The following TULP1 variants were observed in gnomAD, a reference collection of about 807,000 sequenced individuals.
TULP1 encodes the protein tubby-related protein 1.
In TULP1, 50 loss-of-function variants were observed where a neutral mutation model predicts 67.1. That is an observed-to-expected ratio of 0.75 (90% CI 0.59 to 0.94). The LOEUF is 0.94. TULP1 is among the 40% of genes least tolerant of loss of function. The pLI is 0.00. For missense variants in TULP1, 746 were observed against 734.1 expected (o/e 1.02, Z -0.19); for synonymous variants, 297 against 294.0 (o/e 1.01, Z -0.11).
Position 35,498,482 on chromosome 6 carries a change from G to A in TULP1, c.1496-22C>T, listed in dbSNP as rs199634997. 1.8e-4 allele frequency: 284 copies of A among 1,613,134 alleles called. 2 individuals carry two copies. The highest frequency in any genetic ancestry group is 3.0e-5 in the Non-Finnish European group (35 of 1,179,962). On this transcript the variant is annotated intron_variant, in intron 14 of 14. Transcript: ENST00000229771. The surrounding 1 kb of genome is among the most constrained non-coding windows in gnomAD (Gnocchi z 6.7). ...TCGGCTATGGACACAAGACGGGGTG[G>A]GGGCGGCCCGAGACCTCCTTGGACC...
At chr6:35,510,740 C>G in intron 5 of TULP1, 121 bp downstream of exon 5, 1 of 1,595,370 alleles carries the variant, frequency 6.3e-7, no homozygotes, top group Non-Finnish European at 8.5e-7. Flanking sequence ...AAAAACCCTC[C>G]GGTCACAGCA....
At chr6:35,512,736 C>CAA in intron 1 of TULP1, 46 bp from the exon 2 acceptor site, 1 of 1,601,376 alleles carries the variant, frequency 6.2e-7, no homozygotes. Context: ...CCCTTCCCTC[C>CAA]CCATCCCACC....
At position 35,512,638 on chromosome 6, in the gene TULP1, C is replaced by T. The variant is rs281865166; in HGVS notation, c.99+1G>A. The stretch of plus-strand genomic sequence containing the variant: ...CTTCCTTTCCAAGTGGGGTGGCATA[C>T]CTGTTTGGGGCGCCGCGGGGCCTCC... On this transcript the variant is annotated splice_donor_variant, in intron 2 of 14. Coordinates refer to ENST00000229771, the MANE Select transcript of TULP1 (RefSeq NM_003322.6). LOFTEE classifies it high-confidence loss of function. 6.2e-7 allele frequency: 1 copy of T among 1,614,026 alleles called. No homozygotes were observed. Among genetic ancestry groups the T allele is most frequent in the Non-Finnish European group, 8.5e-7 (1 of 1,180,000 alleles).
At chr6:35,509,458 C>A (rs575923024) in intron 7 of TULP1, 146 bp from the exon 8 acceptor site, 7 of 1,081,706 alleles carry the variant, frequency 6.5e-6, no homozygotes, top group Middle Eastern at 2.0e-4. Flanking sequence ...GGCTAAGACA[C>A]CTGCCTGAGA....
intron 2 of TULP1, 67 bp downstream of exon 2, chr6:35,512,572 C>T (rs1017692786): frequency 6.2e-7 from 1 of 1,608,844 alleles, no homozygotes; most frequent in East Asian, 2.2e-5. Flanking sequence ...CCTAGACCCC[C>T]TACCCTGCGT....
chr6:35,499,970 C>T lies in TULP1; in HGVS notation c.1495+11G>A. 5.0e-6 allele frequency: 8 copies of T among 1,613,890 alleles called. No individual in the cohort carries two copies. The highest frequency in any genetic ancestry group is 4.4e-5 in the South Asian group (4 of 91,070). On this transcript the variant is annotated intron_variant, in intron 14 of 14. Coordinates refer to ENST00000229771, the MANE Select transcript of TULP1 (RefSeq NM_003322.6). Reference sequence around the variant, plus strand: ...TGGAGAAGAGCCAGACCTGGGCCCTCAGGTACTCACGGTCATCAGCGTGGA... The same window carrying T: ...TGGAGAAGAGCCAGACCTGGGCCCTTAGGTACTCACGGTCATCAGCGTGGA...
chr6:35,503,435 TG>T lies in TULP1; in HGVS notation c.1323+123del. 1.0e-6 allele frequency: 1 copy of T among 991,812 alleles called. No individual in the cohort carries two copies. The highest frequency in any genetic ancestry group is 1.5e-6 in the Non-Finnish European group (1 of 655,230). The allele number at this position is 991,812 out of a possible 1,614,324, so 61.4% of individuals were successfully genotyped here. On this transcript the variant is annotated intron_variant, in intron 13 of 14. Coordinates refer to ENST00000229771, the MANE Select transcript of TULP1 (RefSeq NM_003322.6). This position sits in a 1 kb window ranked among gnomAD's most constrained non-coding sequence, Gnocchi z 4.0. ...AAAAAGCCCAAGTCCATTCCCTAGG[TG>T]GCCAGAATGAATTTGTGTTGGAGGG...
At chr6:35,510,226 G>A (rs1026965478) in intron 5 of TULP1, among the ~76,000 whole-genome samples, 11 of 152,060 alleles carry the variant, frequency 7.2e-5, no homozygotes, top group Non-Finnish European at 1.6e-4. Flanking sequence ...GCTAATTTTT[G>A]TATTGACTTC....
chr6:35,511,845 C>T (rs993243115), intron 3 of TULP1, 39 bp from the exon 4 acceptor site: 2 of 1,492,796 alleles, frequency 1.3e-6, no homozygotes, highest in African/African-American at 1.4e-5. Flanking sequence ...GTCCCATCCG[C>T]GGGTCCGCGA....
At chr6:35,505,442 A>G in intron 11 of TULP1, 2 of 568,792 alleles carry the variant, frequency 3.5e-6, no homozygotes, top group South Asian at 3.3e-5. Context: ...AGGCAGGCAC[A>G]GTGCCTGCCC....
In TULP1 at chr6:35,509,856, C is replaced by T. The variant is rs779850135; in HGVS notation, c.572G>A (p.Gly191Glu). The T allele has an allele frequency of 1.9e-6, 3 of 1,614,010 alleles. No individual in the cohort carries two copies. Among genetic ancestry groups the T allele is most frequent in the Non-Finnish European group, 2.5e-6 (3 of 1,180,020 alleles). Reference sequence around the variant, plus strand: ...CTTCTTGGTCTTTCTCATCTTGGTCCCCTCCCCTGCTGGAGCTTCCTTATT... The same window carrying T: ...CTTCTTGGTCTTTCTCATCTTGGTCTCCTCCCCTGCTGGAGCTTCCTTATT... ...VRNKEAPAGE[G>E]TKMRKTKKKG... The change falls in exon 6 of 15, where the codon GGG becomes GAG. Residue 191 changes from glycine (G) to glutamate (E), a missense_variant. This residue lies in a region of TULP1 where 359 missense variants were observed against 341.9 expected (regional missense o/e 1.05). Transcript: ENST00000229771.
In TULP1 at chr6:35,498,254, G is replaced by A; in HGVS notation, c.*73C>T. Reference sequence around the variant, plus strand: ...GTTTTCCGCGGGAGCTTTGCTGGAGGGACCCTGCCAGCCTCCACTGAATCC... The same window carrying A: ...GTTTTCCGCGGGAGCTTTGCTGGAGAGACCCTGCCAGCCTCCACTGAATCC... On this transcript the variant is annotated 3_prime_UTR_variant, in exon 15 of 15. Coordinates refer to ENST00000229771, the MANE Select transcript of TULP1 (RefSeq NM_003322.6). This position sits in a 1 kb window ranked among gnomAD's most constrained non-coding sequence, Gnocchi z 6.7. 6.3e-7 allele frequency: 1 copy of A among 1,580,570 alleles called. No individual in the cohort carries two copies. The highest frequency in any genetic ancestry group is 8.6e-7 in the Non-Finnish European group (1 of 1,168,344).
intron 5 of TULP1, 120 bp downstream of exon 5, chr6:35,510,741 G>T: frequency 6.3e-7 from 1 of 1,596,712 alleles, no homozygotes; most frequent in Non-Finnish European, 8.5e-7. Flanking sequence ...AAAACCCTCC[G>T]GTCACAGCAC....
At chr6:35,511,882 A>G in intron 3 of TULP1, 76 bp from the exon 4 acceptor site, 1 of 1,438,962 alleles carries the variant, frequency 6.9e-7, no homozygotes. Flanking sequence ...GCTACCCCCA[A>G]GCCTGGGCGC....
chr6:35,506,148 G>C lies in TULP1; in HGVS notation c.854C>G (p.Pro285Arg), dbSNP rs752709618. ...KAKEERAPSP[P>R]VEVDEPREFV... ...CTCCCGGGGTTCGTCCACCTCCACG[G>C]GGGGAGACGGGGCCCTCTCCTCCTT... Residue 285 changes from proline (P) to arginine (R), a missense_variant, in exon 10 of 15, where the codon CCC (proline) becomes CGC (arginine). This residue lies in a region of TULP1 where 383 missense variants were observed against 374.1 expected (regional missense o/e 1.02). Coordinates refer to ENST00000229771, the MANE Select transcript of TULP1 (RefSeq NM_003322.6). 6.2e-7 allele frequency: 1 copy of C among 1,613,442 alleles called. No homozygotes were observed. The highest frequency in any genetic ancestry group is 8.5e-7 in the Non-Finnish European group (1 of 1,179,900).
chr6:35,501,179 A>G (rs1304920210), intron 13 of TULP1, among the ~76,000 whole-genome samples: 2 of 152,176 alleles, frequency 1.3e-5, no homozygotes, highest in Non-Finnish European at 2.9e-5. Context: ...TTAAACTCAC[A>G]CACACACACA....
chr6:35,503,762 C>T lies in TULP1; in HGVS notation c.1199G>A (p.Arg400Gln), dbSNP rs748972748. ...ATAGATCACAGCTGCCAGCTCCTGC[C>T]GAAGGCTTGCCACATTAGTGCTGTA... is the stretch of plus-strand genomic sequence containing the variant. The part of the protein sequence containing the change: ...RGYSTNVASL[R>Q]QELAAVIYET... The change falls in exon 12 of 15, where the codon CGG becomes CAG. Residue 400 changes from arginine (R) to glutamine (Q), a missense_variant. This residue lies in a region of TULP1 where 383 missense variants were observed against 374.1 expected (regional missense o/e 1.02). Coordinates refer to ENST00000229771, the MANE Select transcript of TULP1 (RefSeq NM_003322.6). This position sits in a 1 kb window ranked among gnomAD's most constrained non-coding sequence, Gnocchi z 4.0. The T allele has an allele frequency of 2.5e-6, 4 of 1,613,382 alleles. No individual in the cohort carries two copies. The highest frequency in any genetic ancestry group is 2.7e-5 in the African/African-American group (2 of 74,918).
In TULP1 at chr6:35,503,387, G is replaced by C. The variant is rs1389160193; in HGVS notation, c.1323+172C>G. The stretch of plus-strand genomic sequence containing the variant: ...CAAAAACAACCAAAAAGCCCATTGT[G>C]GTTTTTCAGTGAATTCAATTACAAA... On this transcript the variant is annotated intron_variant, in intron 13 of 14. Transcript: ENST00000229771. This position sits in a 1 kb window ranked among gnomAD's most constrained non-coding sequence, Gnocchi z 4.0. The C allele has an allele frequency of 1.4e-5, 9 of 663,020 alleles. No homozygotes were observed. The highest frequency in any genetic ancestry group is 2.3e-5 in the Non-Finnish European group (9 of 386,744). The allele number at this position is 663,020 out of a possible 1,614,324, so 41.1% of individuals were successfully genotyped here.
chr6:35,512,066 C>T, intron 3 of TULP1, 114 bp downstream of exon 3: 1 of 598,344 alleles, frequency 1.7e-6, no homozygotes, highest in Non-Finnish European at 2.6e-6. Context: ...TCACTCCCCG[C>T]CCCCTCCTCC....
Sources: allele counts gnomAD v4.1 joint callset (sites outside exome capture counted in the v4.1 genomes callset), GRCh38; gene constraint gnomAD v4.1.1; regional missense constraint gnomAD v4.1.1; non-coding constraint Gnocchi (gnomAD v3.1); transcripts MANE v1.5; gene names NCBI Gene and HGNC (gene_info 2026-07-23, HGNC 2026-07-21).